Variants in NRG1 observed in about 807,000 individuals in gnomAD.
NRG1 encodes neuregulin 1.
A neutral mutation model predicts 63.8 loss-of-function variants in NRG1; 18 were observed. That is an observed-to-expected ratio of 0.28 (90% CI 0.19 to 0.42). The LOEUF (loss-of-function observed/expected upper bound fraction) is 0.42, where lower values mean the gene tolerates loss of function less well. NRG1 is among the 10% of genes least tolerant of loss of function. The pLI is 1.00. For missense variants in NRG1, 762 were observed against 814.7 expected (o/e 0.94, Z 0.79); for synonymous variants, 302 against 301.3 (o/e 1.00, Z -0.02).
intron 1 of NRG1, among the ~76,000 whole-genome samples, chr8:32,082,972 G>A (rs1827690985): frequency 6.6e-6 from 1 of 151,988 alleles, no homozygotes; most frequent in Non-Finnish European, 1.5e-5. Flanking sequence ...ACTAAATAAA[G>A]GGCAAATGAA....
chr8:32,578,269 C>T lies in NRG1; in HGVS notation c.101-17559C>T, dbSNP rs145259351. Among the ~76,000 whole-genome samples the T allele has an allele frequency of 4.5e-3, 692 of 152,298 alleles. 5 individuals carry two copies. The highest frequency in any genetic ancestry group is 0.016 in the African/African-American group (664 of 41,564). On this transcript the variant is annotated intron_variant, in intron 1 of 11. Transcript: ENST00000356819. ...TCAGCCTTCCAAAGTGCTGAGATCACAGGCATGAGCCACCGTGCCCGGCCA... is the reference window on the plus strand; with the variant it reads ...TCAGCCTTCCAAAGTGCTGAGATCATAGGCATGAGCCACCGTGCCCGGCCA...
intron 1 of NRG1, among the ~76,000 whole-genome samples, chr8:32,291,471 A>G (rs768267110): frequency 6.6e-6 from 1 of 150,876 alleles, no homozygotes; most frequent in African/African-American, 2.4e-5. Context: ...ACGATAAATC[A>G]TGTGTGACCT....
chr8:31,847,252 T>G (rs1420448128), intron 1 of NRG1, among the ~76,000 whole-genome samples: 1 of 152,250 alleles, frequency 6.6e-6, no homozygotes, highest in Non-Finnish European at 1.5e-5. Flanking sequence ...CCTTTCCATC[T>G]ATGGGACCCA....
intron 1 of NRG1, among the ~76,000 whole-genome samples, chr8:32,196,301 G>A (rs547976927): frequency 4.4e-4 from 67 of 152,232 alleles, no homozygotes; most frequent in African/African-American, 1.5e-3. Context: ...GAGCAATTAC[G>A]GAAGAAGGGT....
At chr8:32,485,859 C>G (rs1587919272) in intron 1 of NRG1, among the ~76,000 whole-genome samples, 2 of 152,092 alleles carry the variant, frequency 1.3e-5, no homozygotes, top group African/African-American at 4.8e-5. Flanking sequence ...CACTCAAACC[C>G]CTAAAGTTAT....
intron 1 of NRG1, among the ~76,000 whole-genome samples, chr8:32,549,200 A>G (rs535165827): frequency 7.2e-5 from 11 of 152,246 alleles, no homozygotes; most frequent in Non-Finnish European, 1.6e-4. Flanking sequence ...GCCCCGCGCC[A>G]TAAGCGCTTT....
Position 32,362,962 on chromosome 8 carries a change from A to AC in NRG1, c.38-232863dup, listed in dbSNP as rs1807424440. ...ATCACAGCAGAGGGGCCCTCATTAGACCCATCAAGGATTGCACGTGCCCTG... is the reference window on the plus strand; with the variant it reads ...ATCACAGCAGAGGGGCCCTCATTAGACCCCATCAAGGATTGCACGTGCCCTG... On this transcript the variant is annotated intron_variant, in intron 1 of 10. Transcript: ENST00000519301. 1.3e-5 allele frequency among the ~76,000 whole-genome samples: 2 copies of AC among 151,996 alleles called. 1 individual carries two copies. Among genetic ancestry groups the AC allele is most frequent in the African/African-American group, 4.8e-5 (2 of 41,364 alleles).
intron 1 of NRG1, among the ~76,000 whole-genome samples, chr8:32,385,145 G>T (rs536398773): frequency 6.6e-6 from 1 of 151,810 alleles, no homozygotes; most frequent in Non-Finnish European, 1.5e-5. Flanking sequence ...TCAGCCTCCC[G>T]AGTAGCTGGG....
chr8:32,109,372 A>G (rs754557487), intron 1 of NRG1, among the ~76,000 whole-genome samples: 2 of 152,216 alleles, frequency 1.3e-5, no homozygotes, highest in East Asian at 1.9e-4. Context: ...AAAGCTTATT[A>G]AACAGATTAT....
At chr8:32,468,722 GTT>G (rs151112582) in intron 1 of NRG1, among the ~76,000 whole-genome samples, 3,356 of 143,556 alleles carry the variant, frequency 0.023, 47 homozygotes, top group African/African-American at 0.04. Flanking sequence ...TAACATTACA[GTT>G]TTTTTTTTTT....
chr8:31,780,092 C>A (rs1001076510), intron 1 of NRG1, among the ~76,000 whole-genome samples: 1 of 152,146 alleles, frequency 6.6e-6, no homozygotes, highest in Non-Finnish European at 1.5e-5. Flanking sequence ...TAAGAGTTTT[C>A]TGATGATGAG....
intron 5 of NRG1, among the ~76,000 whole-genome samples, chr8:32,654,677 C>G (rs574919436): frequency 1.3e-5 from 1 of 75,668 alleles, no homozygotes; most frequent in Non-Finnish European, 3.1e-5. Context: ...ATAAGACACC[C>G]CTCCGGAGGC....
At chr8:31,718,466 A>G (rs1812581414) in intron 1 of NRG1, among the ~76,000 whole-genome samples, 1 of 152,230 alleles carries the variant, frequency 6.6e-6, no homozygotes, top group Non-Finnish European at 1.5e-5. Context: ...AGTCACTTCC[A>G]TAAATACTGT....
chr8:32,065,616 T>C (rs550880482), intron 1 of NRG1, among the ~76,000 whole-genome samples: 4 of 152,228 alleles, frequency 2.6e-5, no homozygotes, highest in Non-Finnish European at 4.4e-5. Flanking sequence ...TCCAAGTCTT[T>C]GCTATTGTGA....
At chr8:32,548,421 G>A (rs1229136863) in exon 1 of NRG1, 27 of 1,116,572 alleles carry the variant, frequency 2.4e-5, no homozygotes, top group Non-Finnish European at 2.5e-5. Context: ...ATCGGGTTGC[G>A]AGGGCGCCGG....
intron 1 of NRG1, among the ~76,000 whole-genome samples, chr8:32,302,125 G>A (rs1037417503): frequency 1.3e-5 from 2 of 152,122 alleles, no homozygotes; most frequent in Non-Finnish European, 2.9e-5. Context: ...GATGGATTAG[G>A]TAGACCTCCA....
chr8:32,036,634 A>G (rs902588628), intron 1 of NRG1, among the ~76,000 whole-genome samples: 11 of 151,960 alleles, frequency 7.2e-5, no homozygotes, highest in African/African-American at 2.4e-4. Flanking sequence ...ATTCCTTTTC[A>G]TTCTTTTTTC....
intron 1 of NRG1, among the ~76,000 whole-genome samples, chr8:31,873,311 A>G (rs185118948): frequency 2.4e-3 from 365 of 152,322 alleles, no homozygotes; most frequent in African/African-American, 8.6e-3. Context: ...CTGTAATTGT[A>G]GCACTTTGGG....
intron 1 of NRG1, among the ~76,000 whole-genome samples, chr8:32,396,549 A>G (rs1812458844): frequency 6.6e-6 from 1 of 152,106 alleles, no homozygotes; most frequent in South Asian, 2.1e-4. Context: ...CCCAGGCTGA[A>G]GCGATTCTCC....
Sources: gnomAD v4.1 joint callset for allele counts (sites outside exome capture counted in the v4.1 genomes callset) on GRCh38, gnomAD v4.1.1 for gene constraint, MANE v1.5 for transcripts, NCBI Gene and HGNC (gene_info 2026-07-23, HGNC 2026-07-21) for gene names.